The following SPAG16 variants were observed in gnomAD, a reference collection of about 807,000 sequenced individuals.
SPAG16 encodes sperm associated antigen 16.
A neutral mutation model predicts 80.4 loss-of-function variants in SPAG16; 86 were observed. The observed-to-expected ratio is 1.07, with a 90% CI of 0.90 to 1.28. SPAG16 has a LOEUF of 1.28. SPAG16 is among the 50% of genes most tolerant of loss of function. The pLI is 0.00. For missense variants in SPAG16, 870 were observed against 765.3 expected (o/e 1.14, Z -1.61); for synonymous variants, 294 against 265.9 (o/e 1.11, Z -1.03).
chr2:214,243,862 A>C lies in SPAG16; in HGVS notation c.1720+94596A>C, dbSNP rs553107758. On this transcript the variant is annotated intron_variant, in intron 15 of 15. Transcript: ENST00000331683. The stretch of plus-strand genomic sequence containing the variant: ...CCATAGCCCTTCTCTGACATCCTAC[A>C]AATAGGAATGAAGGAGTTCCTCAAA... 7.2e-5 allele frequency among the ~76,000 whole-genome samples: 11 copies of C among 152,188 alleles called. 1 individual carries two copies. Among genetic ancestry groups the C allele is most frequent in the African/African-American group, 2.6e-4 (11 of 41,560 alleles).
intron 15 of SPAG16, among the ~76,000 whole-genome samples, chr2:214,373,679 G>A (rs923206536): frequency 6.6e-6 from 1 of 152,146 alleles, no homozygotes; most frequent in Non-Finnish European, 1.5e-5. Context: ...TGATGGGAGT[G>A]CAAACTGGGA....
intron 15 of SPAG16, among the ~76,000 whole-genome samples, chr2:214,322,261 G>GA: frequency 6.6e-6 from 1 of 152,204 alleles, no homozygotes; most frequent in Middle Eastern, 3.4e-3. Flanking sequence ...CCTAAATTCT[G>GA]ATTTCAATGG....
At chr2:214,400,937 T>C (rs1441001796) in intron 15 of SPAG16, among the ~76,000 whole-genome samples, 1 of 152,068 alleles carries the variant, frequency 6.6e-6, no homozygotes, top group Non-Finnish European at 1.5e-5. Context: ...AACTAATCTT[T>C]GCTCACAAAA....
chr2:213,697,069 C>A (rs1448150514), intron 10 of SPAG16, among the ~76,000 whole-genome samples: 1 of 152,082 alleles, frequency 6.6e-6, no homozygotes, highest in African/African-American at 2.4e-5. Flanking sequence ...AGGGATAGAA[C>A]TTTGACGTGA....
chr2:214,236,979 ATCT>A (rs1004318863), intron 15 of SPAG16, among the ~76,000 whole-genome samples: 14 of 152,294 alleles, frequency 9.2e-5, no homozygotes, highest in African/African-American at 3.1e-4. Context: ...CCAGAGTGAC[ATCT>A]TCTTTCCGTA....
At chr2:214,210,830 T>TGC (rs539725134) in intron 15 of SPAG16, among the ~76,000 whole-genome samples, 3,295 of 148,282 alleles carry the variant, frequency 0.022, 125 homozygotes, top group African/African-American at 0.082. Flanking sequence ...CACACACACA[T>TGC]GCGCGCGCGC....
Position 214,408,999 on chromosome 2 carries a change from TACTA to T in SPAG16, c.1721-1135_1721-1132del, listed in dbSNP as rs372372893. 2.0e-3 allele frequency among the ~76,000 whole-genome samples: 300 copies of T among 151,456 alleles called. 2 individuals carry two copies. The highest frequency in any genetic ancestry group is 5.6e-3 in the African/African-American group (230 of 41,436). On this transcript the variant is annotated intron_variant, in intron 15 of 15. Transcript: ENST00000331683. The stretch of plus-strand genomic sequence containing the variant: ...AATATTAAATAGTTAATACTATTAA[TACTA>T]ACTAATATATTAAATAGTTAATACT...
chr2:213,594,651 A>G (rs2060824921), intron 10 of SPAG16, among the ~76,000 whole-genome samples: 1 of 152,176 alleles, frequency 6.6e-6, no homozygotes, highest in African/African-American at 2.4e-5. Flanking sequence ...GGTTCCCAGT[A>G]AATGTTATCG....
At chr2:214,090,344 T>C (rs974279612) in intron 13 of SPAG16, among the ~76,000 whole-genome samples, 2 of 151,940 alleles carry the variant, frequency 1.3e-5, no homozygotes, top group African/African-American at 4.8e-5. Context: ...ATATTCAATT[T>C]CTTCGCAAAC....
intron 10 of SPAG16, among the ~76,000 whole-genome samples, chr2:213,501,146 G>T (rs868613484): frequency 6.6e-6 from 1 of 152,122 alleles, no homozygotes; most frequent in Non-Finnish European, 1.5e-5. Context: ...TCTCAATAGG[G>T]AATTCTAGAC....
intron 9 of SPAG16, among the ~76,000 whole-genome samples, chr2:213,453,829 T>C (rs943424504): frequency 2.0e-5 from 3 of 152,234 alleles, no homozygotes; most frequent in African/African-American, 4.8e-5. Flanking sequence ...GGAAACTTCA[T>C]TGGAATCACA....
intron 11 of SPAG16, among the ~76,000 whole-genome samples, chr2:213,912,756 T>G (rs2077732357): frequency 6.6e-6 from 1 of 152,150 alleles, no homozygotes; most frequent in South Asian, 2.1e-4. Context: ...CTAGCAGACC[T>G]GAATTGAGAA....
chr2:213,893,574 T>A lies in SPAG16; in HGVS notation c.1214+30946T>A, dbSNP rs1265875923. Among the ~76,000 whole-genome samples the A allele has an allele frequency of 3.3e-5, 5 of 152,134 alleles. No individual in the cohort carries two copies. In the East Asian group the frequency reaches 9.6e-4, roughly 29 times the overall value. ...TAACACAACAAAGAGCCAAAATGTA[T>A]GTGTGTGTTGTGGGGATGGAGTTAA... On this transcript the variant is annotated intron_variant, in intron 11 of 15. Transcript: ENST00000331683.
intron 13 of SPAG16, among the ~76,000 whole-genome samples, chr2:214,059,881 C>T (rs1466174672): frequency 5.9e-5 from 9 of 152,006 alleles, no homozygotes; most frequent in Admixed American, 3.9e-4. Context: ...TTTTTGCTCC[C>T]GTGGTCAGGT....
chr2:214,103,598 GA>G (rs1231092821), intron 13 of SPAG16, among the ~76,000 whole-genome samples: 1 of 152,116 alleles, frequency 6.6e-6, no homozygotes, highest in African/African-American at 2.4e-5. Flanking sequence ...TGCAATAAAG[GA>G]AACAGAAAGC....
intron 10 of SPAG16, among the ~76,000 whole-genome samples, chr2:213,731,136 A>G (rs1946416): frequency 0.93 from 136,126 of 147,144 alleles, 63,987 homozygotes; most frequent in East Asian, 1. Context: ...TAATTCCAAC[A>G]TCTACATTAT....
chr2:213,313,049 A>G (rs574409649), intron 4 of SPAG16, among the ~76,000 whole-genome samples: 1 of 151,966 alleles, frequency 6.6e-6, no homozygotes, highest in Admixed American at 6.6e-5. Flanking sequence ...TCTTCAATTA[A>G]TGAGAACTTG....
intron 15 of SPAG16, among the ~76,000 whole-genome samples, chr2:214,339,283 C>T (rs541748299): frequency 6.6e-5 from 10 of 152,112 alleles, no homozygotes; most frequent in African/African-American, 2.4e-4. Context: ...AAGACAAGTC[C>T]ACACATTTTT....
At chr2:213,609,164 A>G (rs1248752090) in intron 10 of SPAG16, among the ~76,000 whole-genome samples, 2 of 152,176 alleles carry the variant, frequency 1.3e-5, no homozygotes, top group Non-Finnish European at 2.9e-5. Context: ...TTATCCACTG[A>G]ATTTTTCCAT....
Sources: gnomAD v4.1 joint callset for allele counts (sites outside exome capture counted in the v4.1 genomes callset) on GRCh38, gnomAD v4.1.1 for gene constraint, MANE v1.5 for transcripts, NCBI Gene and HGNC (gene_info 2026-07-23, HGNC 2026-07-21) for gene names.